Variants in FBXW8 observed in about 807,000 individuals in gnomAD.
The protein encoded by FBXW8 is F-box and WD repeat domain containing 8.
In FBXW8, 57 loss-of-function variants were observed where a neutral mutation model predicts 65.3. The observed-to-expected ratio is 0.87, with a 90% CI of 0.71 to 1.09. FBXW8 has a LOEUF of 1.09. Ranked by LOEUF, FBXW8 falls within the 50% of genes least tolerant of loss-of-function variation. The probability of loss-of-function intolerance (pLI) is 0.00; values close to 1 mark genes in which losing one functional copy is unlikely to be tolerated. For synonymous variants in FBXW8, 308 were observed against 330.2 expected (o/e 0.93, Z 0.73); for missense variants, 777 against 814.8 (o/e 0.95, Z 0.57).
At chr12:117,008,840 C>T (rs1292584229) in intron 7 of FBXW8, among the ~76,000 whole-genome samples, 2 of 152,170 alleles carry the variant, frequency 1.3e-5, no homozygotes, top group African/African-American at 2.4e-5. Context: ...CTGGCTCATG[C>T]CTGTAATCTC....
At chr12:116,923,739 G>C (rs1441335635) in intron 1 of FBXW8, among the ~76,000 whole-genome samples, 1 of 140,878 alleles carries the variant, frequency 7.1e-6, no homozygotes, top group African/African-American at 2.7e-5. Context: ...TATTTATTTT[G>C]AGACGGAGTC....
chr12:116,925,165 G>C (rs996624533), intron 1 of FBXW8, among the ~76,000 whole-genome samples: 1 of 152,146 alleles, frequency 6.6e-6, no homozygotes, highest in Non-Finnish European at 1.5e-5. Context: ...CTTTCAGAGA[G>C]GTCCTGAACT....
chr12:116,955,036 T>TC (rs537095602), intron 4 of FBXW8, among the ~76,000 whole-genome samples: 2 of 129,538 alleles, frequency 1.5e-5, no homozygotes, highest in East Asian at 2.4e-4. Flanking sequence ...CCTCTTGAAA[T>TC]GGGGGGGGGG....
At chr12:117,002,354 C>A (rs939671522) in intron 7 of FBXW8, 1 of 152,372 alleles carries the variant, frequency 6.6e-6, no homozygotes, top group African/African-American at 2.4e-5. Context: ...AACATGAAAG[C>A]GGCTCAGGCT....
chr12:116,974,404 G>A (rs142171458), intron 5 of FBXW8, among the ~76,000 whole-genome samples: 3 of 152,324 alleles, frequency 2.0e-5, no homozygotes, highest in African/African-American at 7.2e-5. Context: ...GGATTGTTGA[G>A]TGGAATCTTC....
chr12:116,988,758 C>T lies in FBXW8; in HGVS notation c.1128C>T (p.Ser376=), dbSNP rs771338638. The change falls in exon 7 of 11, where the codon TCC becomes TCT. Residue 376 remains serine, a synonymous_variant. Transcript: ENST00000652555. ...TGTACCTGCTCAAAGCCGAAGACTCCGCCAGAACCCTCCTTTACGCCCACG... is the reference window on the plus strand; with the variant it reads ...TGTACCTGCTCAAAGCCGAAGACTCTGCCAGAACCCTCCTTTACGCCCACG... ...DLMYLLKAED[S]ARTLLYAHGP... The T allele has an allele frequency of 2.0e-5, 32 of 1,614,028 alleles. No individual in the cohort carries two copies. The highest frequency in any genetic ancestry group is 3.3e-5 in the South Asian group (3 of 91,072).
At chr12:116,947,815 C>T (rs1002952315) in intron 3 of FBXW8, among the ~76,000 whole-genome samples, 90 of 151,870 alleles carry the variant, frequency 5.9e-4, no homozygotes, top group African/African-American at 2.1e-3. Flanking sequence ...TTGTCTGCCT[C>T]CATTTTCTCA....
At chr12:116,984,464 G>A (rs1209223117) in intron 5 of FBXW8, among the ~76,000 whole-genome samples, 1 of 152,180 alleles carries the variant, frequency 6.6e-6, no homozygotes. Flanking sequence ...TGAAGCACAG[G>A]TTTTAGAGCT....
At chr12:116,923,874 C>T (rs1881108755) in intron 1 of FBXW8, among the ~76,000 whole-genome samples, 1 of 152,136 alleles carries the variant, frequency 6.6e-6, no homozygotes, top group Non-Finnish European at 1.5e-5. Context: ...GCGCCTGCCA[C>T]CAGGCCCGGC....
At chr12:116,954,158 G>C (rs1331900255) in intron 4 of FBXW8, among the ~76,000 whole-genome samples, 1 of 149,762 alleles carries the variant, frequency 6.7e-6, no homozygotes, top group Non-Finnish European at 1.5e-5. Context: ...TAAAAACCAT[G>C]TTGTTTTGCA....
chr12:117,014,627 G>A (rs1953903701), intron 8 of FBXW8, among the ~76,000 whole-genome samples: 1 of 152,200 alleles, frequency 6.6e-6, no homozygotes. Flanking sequence ...CCCTGGTTAG[G>A]TTCAGACGGC....
rs535732545 is a variant in FBXW8, at chr12:117,015,492, A to G, written c.1367+5042A>G. Among the ~76,000 whole-genome samples, 73 of 152,254 alleles carry G rather than the reference A, an allele frequency of 4.8e-4. 2 individuals carry two copies. The highest frequency in any genetic ancestry group is 3.4e-3 in the Middle Eastern group (1 of 294). On this transcript the variant is annotated intron_variant, in intron 8 of 10. Coordinates refer to ENST00000652555, the MANE Select transcript of FBXW8 (RefSeq NM_153348.3). ...GGGCCCTTCCTATTCTGTAGCTCTC[A>G]GGCTTCTCATCTGTGATCTGCTCAT...
intron 5 of FBXW8, among the ~76,000 whole-genome samples, chr12:116,967,126 G>A (rs539508336): frequency 4.0e-5 from 6 of 151,468 alleles, no homozygotes; most frequent in East Asian, 3.9e-4. Context: ...CATTTTACTC[G>A]TGGGGGGTCC....
At chr12:116,955,040 G>GA (rs928963193) in intron 4 of FBXW8, among the ~76,000 whole-genome samples, 9 of 151,278 alleles carry the variant, frequency 5.9e-5, no homozygotes, top group East Asian at 3.9e-4. Context: ...TTGAAATGGG[G>GA]GGGGGGGGCC....
At chr12:116,986,819 C>T (rs915203670) in intron 6 of FBXW8, 1 of 152,208 alleles carries the variant, frequency 6.6e-6, no homozygotes, top group Non-Finnish European at 1.5e-5. Flanking sequence ...ATGGCACCAC[C>T]ACTGTCAATC....
chr12:116,986,123 C>G (rs1885660251), intron 6 of FBXW8: 1 of 152,168 alleles, frequency 6.6e-6, no homozygotes, highest in African/African-American at 2.4e-5. Flanking sequence ...GGAGAGTGAG[C>G]AGAAAAGCCA....
At chr12:117,004,020 G>C (rs1338489522) in intron 7 of FBXW8, among the ~76,000 whole-genome samples, 2 of 152,124 alleles carry the variant, frequency 1.3e-5, no homozygotes, top group Non-Finnish European at 2.9e-5. Flanking sequence ...GATGCTCTGC[G>C]TGGAGCTCAG....
rs78108862 is a variant in FBXW8 at position 116,975,355 on chromosome 12, A to G, written c.836-9851A>G. ...CAAGATCAGGGCACTGGCAGATTCT[A>G]TGTCTGGCGAGAGCCCTTCCTTCCA... On this transcript the variant is annotated intron_variant, in intron 5 of 10. Transcript: ENST00000652555. Among the ~76,000 whole-genome samples, 723 of 152,342 alleles carry G rather than the reference A, an allele frequency of 4.7e-3. 6 individuals carry two copies. The highest frequency in any genetic ancestry group is 0.016 in the African/African-American group (667 of 41,576).
chr12:116,948,365 G>A (rs73397424), intron 3 of FBXW8, among the ~76,000 whole-genome samples: 7,158 of 152,188 alleles, frequency 0.047, 411 homozygotes, highest in African/African-American at 0.13. Flanking sequence ...TCCACTTGTA[G>A]GACAGCTCCA....
Sources: allele counts gnomAD v4.1 joint callset (sites outside exome capture counted in the v4.1 genomes callset), GRCh38; gene constraint gnomAD v4.1.1; transcripts MANE v1.5; gene names NCBI Gene and HGNC (gene_info 2026-07-23, HGNC 2026-07-21).